The following WNT2B variants were observed in gnomAD, a reference collection of about 807,000 sequenced individuals.
WNT2B encodes Wnt family member 2B, also known as protein Wnt-2b.
Under a neutral mutation model 40.5 loss-of-function variants are expected in WNT2B, and 19 were observed. The observed-to-expected ratio is 0.47, with a 90% confidence interval of 0.33 to 0.69. The LOEUF (loss-of-function observed/expected upper bound fraction) is 0.69, where lower values mean the gene tolerates loss of function less well. Among genes scored for constraint, WNT2B ranks in the 30% least tolerant of loss-of-function variants. The pLI, the probability that WNT2B is intolerant of heterozygous loss-of-function variation, is 0.02. For missense variants in WNT2B, 467 were observed against 556.4 expected, an observed-to-expected ratio of 0.84 and a Z score of 1.62; for synonymous variants, 220 against 211.9, an observed-to-expected ratio of 1.04 and a Z score of -0.33.
intron 1 of WNT2B, among the ~76,000 whole-genome samples, chr1:112,488,700 C>A (rs542880448): frequency 6.6e-6 from 1 of 151,826 alleles, no homozygotes; most frequent in Non-Finnish European, 1.5e-5. Flanking sequence ...TACAGGCGCT[C>A]GCCACCATGC....
chr1:112,519,313 TA>T (rs1652728801), intron 4 of WNT2B, among the ~76,000 whole-genome samples: 1 of 152,194 alleles, frequency 6.6e-6, no homozygotes, highest in Non-Finnish European at 1.5e-5. Flanking sequence ...ATAAAAAACA[TA>T]GAAGTTCTAG....
chr1:112,514,971 C>T lies in WNT2B; in HGVS notation c.280C>T (p.Arg94Cys), dbSNP rs1438392798. 4 of 1,614,188 alleles carry T rather than the reference C, an allele frequency of 2.5e-6. No individual in the cohort carries two copies. The highest frequency in any genetic ancestry group is 1.1e-5 in the South Asian group (1 of 91,074). ...GTGCCAGCGTTACCCAGACATCATG[C>T]GTTCAGTGGGCGAGGGTGCCCGAGA... is the stretch of plus-strand genomic sequence containing the variant. Reference protein sequence around the residue: ...QLCQRYPDIMRSVGEGAREWI... With the variant: ...QLCQRYPDIMCSVGEGAREWI... Residue 94 changes from arginine to cysteine, a missense_variant, in exon 2 of 5, where the codon CGT (arginine) becomes TGT (cysteine). Transcript: ENST00000369684.
chr1:112,514,662 G>C (rs79201360), intron 1 of WNT2B: 4 of 593,230 alleles, frequency 6.7e-6, no homozygotes, highest in Non-Finnish European at 1.2e-5. Context: ...ATGGTGGGAG[G>C]CCACTCAATT....
rs550023462 is a variant in WNT2B, at chr1:112,500,598, C to T, written c.-94-14276C>T. Among the ~76,000 whole-genome samples, 15 of 151,114 alleles carry T rather than the reference C, an allele frequency of 9.9e-5. No individual in the cohort carries two copies. The South Asian group carries it at 1.1e-3, about 11-fold the overall frequency. The stretch of plus-strand genomic sequence containing the variant: ...CAGCCTGGGCAACATAGTGAGACCC[C>T]GTCACTAAAAAAAATTTTTTTTAAT... On this transcript the variant is annotated intron_variant, in intron 1 of 4. Transcript: ENST00000256640.
At chr1:112,508,796 C>T, upstream of WNT2B, 5 of 988,360 alleles carry the variant, frequency 5.1e-6, no homozygotes, top group Non-Finnish European at 4.8e-6. This position sits in a 1 kb window ranked among gnomAD's most constrained non-coding sequence, Gnocchi z 4.2. Context: ...GGGGGTGCAG[C>T]GCGGTGGCGC....
At chr1:112,483,790 AAAG>A (rs1436532917) in intron 1 of WNT2B, among the ~76,000 whole-genome samples, 3 of 142,006 alleles carry the variant, frequency 2.1e-5, no homozygotes, top group African/African-American at 3.0e-5. Flanking sequence ...AAAAAAAAAA[AAAG>A]AAAGAGAGAA....
Position 112,520,414 on chromosome 1 carries a change from T to G in WNT2B, c.1081T>G (p.Trp361Gly). Residue 361 changes from tryptophan to glycine, a missense_variant, in exon 5 of 5, where the codon TGG becomes GGG. By Grantham distance (184) the Trp-to-Gly change is radical (BLOSUM62 -2). Around this residue, in one of 2 missense-constraint regions of WNT2B, gnomAD observed 330 missense variants for 438.6 expected, o/e 0.75. Coordinates refer to ENST00000369684, the MANE Select transcript of WNT2B (RefSeq NM_024494.3). ...TACCCAGTGTGAGTGCAAATTCCAC[T>G]GGTGCTGTGCTGTACGGTGCAAGGA... Reference protein sequence around the residue: ...RVTQCECKFHWCCAVRCKECR... With the variant: ...RVTQCECKFHGCCAVRCKECR... 1 of 1,614,176 alleles carries G rather than the reference T, an allele frequency of 6.2e-7. No homozygotes were observed. Among genetic ancestry groups the G allele is most frequent in the East Asian group, 2.2e-5 (1 of 44,874 alleles).
At chr1:112,506,319 C>T (rs1232763963), upstream of WNT2B, among the ~76,000 whole-genome samples, 1 of 152,232 alleles carries the variant, frequency 6.6e-6, no homozygotes, top group African/African-American at 2.4e-5. Context: ...TGCTTTAATA[C>T]TTGAGCATCT....
chr1:112,501,052 T>C (rs1054592883), intron 1 of WNT2B, among the ~76,000 whole-genome samples: 6 of 152,208 alleles, frequency 3.9e-5, no homozygotes, highest in African/African-American at 1.2e-4. Flanking sequence ...TTGTCGTGTC[T>C]CCTTAGGCGC....
chr1:112,514,293 G>C (rs576978361), intron 1 of WNT2B, among the ~76,000 whole-genome samples: 1 of 152,182 alleles, frequency 6.6e-6, no homozygotes, highest in South Asian at 2.1e-4. Flanking sequence ...CTTCCTCCCC[G>C]GACCTCACGA....
chr1:112,526,147 C>A lies in WNT2B; in HGVS notation c.*5638C>A, dbSNP rs1194711347. The stretch of plus-strand genomic sequence containing the variant: ...GAAATTGATACAAAATGTTCAAGCC[C>A]TGTAGGAGTCCCAGGACAGCCAAGA... On this transcript the variant is annotated 3_prime_UTR_variant, in exon 5 of 5. Transcript: ENST00000369684. The A allele has an allele frequency of 6.2e-7, 1 of 1,613,308 alleles. No individual in the cohort carries two copies. The highest frequency in any genetic ancestry group is 8.5e-7 in the Non-Finnish European group (1 of 1,179,772).
At chr1:112,503,290 T>C (rs1167699704) in intron 1 of WNT2B, among the ~76,000 whole-genome samples, 1 of 152,148 alleles carries the variant, frequency 6.6e-6, no homozygotes, top group African/African-American at 2.4e-5. Flanking sequence ...TCTACCCTAC[T>C]TGTTTCACCA....
chr1:112,504,167 C>A (rs543735344), upstream of WNT2B, among the ~76,000 whole-genome samples: 170 of 152,312 alleles, frequency 1.1e-3, no homozygotes, highest in Non-Finnish European at 1.7e-3. Context: ...CTGGGCCACC[C>A]GCCCGGAATG....
At chr1:112,489,330 G>A (rs918998595) in intron 1 of WNT2B, among the ~76,000 whole-genome samples, 19 of 151,942 alleles carry the variant, frequency 1.3e-4, no homozygotes, top group Admixed American at 9.8e-4. Context: ...AGGCCGAGGC[G>A]GGCAGATTAC....
intron 1 of WNT2B, among the ~76,000 whole-genome samples, chr1:112,473,661 A>C (rs917422864): frequency 1.3e-5 from 2 of 152,166 alleles, no homozygotes; most frequent in African/African-American, 4.8e-5. Context: ...TTGAACAAAC[A>C]ATAGCCAAGA....
chr1:112,502,549 G>A (rs1651993481), intron 1 of WNT2B, among the ~76,000 whole-genome samples: 1 of 152,218 alleles, frequency 6.6e-6, no homozygotes, highest in Admixed American at 6.5e-5. Flanking sequence ...CCTCAGAGAA[G>A]GGCTGGAGGC....
Position 112,509,217 on chromosome 1 carries a change from C to T in WNT2B, c.-46C>T. On this transcript the variant is annotated 5_prime_UTR_variant, in exon 1 of 5. Coordinates refer to ENST00000369684, the MANE Select transcript of WNT2B (RefSeq NM_024494.3). This position sits in a 1 kb window ranked among gnomAD's most constrained non-coding sequence, Gnocchi z 4.2. ...AGCCTGAGTACCCCCAGAAGGTGCC[C>T]CGTCCACGCCCCTCCGGGCTGCGCG... 6.9e-7 allele frequency: 1 copy of T among 1,458,356 alleles called. No homozygotes were observed. The allele number at this position is 1,458,356 out of a possible 1,614,324, so 90.3% of individuals were successfully genotyped here.
chr1:112,475,382 G>A (rs572566340), intron 1 of WNT2B, among the ~76,000 whole-genome samples: 3 of 152,208 alleles, frequency 2.0e-5, no homozygotes, highest in Non-Finnish European at 2.9e-5. Flanking sequence ...GGAATGATGA[G>A]CATCAAAAAA....
At chr1:112,497,920 T>G (rs975851398) in intron 1 of WNT2B, among the ~76,000 whole-genome samples, 3 of 152,158 alleles carry the variant, frequency 2.0e-5, no homozygotes, top group Non-Finnish European at 2.9e-5. Context: ...TCACTCTTTT[T>G]TTTTTTTAAG....
Sources: allele counts gnomAD v4.1 joint callset (sites outside exome capture counted in the v4.1 genomes callset), GRCh38; gene constraint gnomAD v4.1.1; regional missense constraint gnomAD v4.1.1; non-coding constraint Gnocchi (gnomAD v3.1); transcripts MANE v1.5; gene names NCBI Gene and HGNC (gene_info 2026-07-23, HGNC 2026-07-21).